Variants in PDE6C observed in about 807,000 individuals in gnomAD.
The protein encoded by PDE6C is cone cGMP-specific 3',5'-cyclic phosphodiesterase subunit alpha'.
Under a neutral mutation model 113.1 loss-of-function variants are expected in PDE6C, and 75 were observed. That is an observed-to-expected ratio of 0.66 (90% CI 0.55 to 0.80). The LOEUF (loss-of-function observed/expected upper bound fraction) is 0.80, where lower values mean the gene tolerates loss of function less well. Among genes scored for constraint, PDE6C ranks in the 30% least tolerant of loss-of-function variants. PDE6C has a pLI of 0.00. For synonymous variants in PDE6C, 375 were observed against 363.7 expected, an observed-to-expected ratio of 1.03 and a Z score of -0.35; for missense variants, 912 against 1,038.6, an observed-to-expected ratio of 0.88 and a Z score of 1.67.
At chr10:93,635,027 G>A (rs1348185770) in intron 9 of PDE6C, 120 bp downstream of exon 9, 2 of 1,009,530 alleles carry the variant, frequency 2.0e-6, no homozygotes, top group Non-Finnish European at 3.1e-6. Flanking sequence ...GTCACACATA[G>A]CTGTAACCAA....
chr10:93,622,628 G>A (rs1057464484), intron 4 of PDE6C, among the ~76,000 whole-genome samples: 1 of 136,558 alleles, frequency 7.3e-6, no homozygotes, highest in South Asian at 2.4e-4. Flanking sequence ...CCAAACTCCT[G>A]GTAGCCACAG....
At chr10:93,658,374 T>C (rs376463381) in intron 16 of PDE6C, among the ~76,000 whole-genome samples, 60 of 152,226 alleles carry the variant, frequency 3.9e-4, no homozygotes, top group Non-Finnish European at 2.8e-4. Flanking sequence ...TCCGTGTGTT[T>C]TGGGTTCCAA....
chr10:93,618,389 C>T (rs189151216), intron 1 of PDE6C, among the ~76,000 whole-genome samples: 3 of 152,092 alleles, frequency 2.0e-5, no homozygotes, highest in Admixed American at 6.6e-5. Context: ...GATTACAAAA[C>T]GAGGACACAG....
intron 9 of PDE6C, among the ~76,000 whole-genome samples, 172 bp downstream of exon 9, chr10:93,635,079 A>T (rs1335968139): frequency 6.6e-6 from 1 of 152,216 alleles, no homozygotes; most frequent in East Asian, 1.9e-4. Flanking sequence ...ACTTCTATAA[A>T]CTGCAACATT....
At position 93,640,394 on chromosome 10, in the gene PDE6C, A is replaced by G. The variant is rs899799435; in HGVS notation, c.1630-56A>G. 1.1e-4 allele frequency: 147 copies of G among 1,388,518 alleles called. No homozygotes were observed. The African/African-American group carries it at 1.7e-3, about 16-fold the overall frequency. The allele number at this position is 1,388,518 out of a possible 1,614,324, so 86.0% of individuals were successfully genotyped here. ...ATCTTTTTAGATAAGATTGCCACAGACCTTCTAACCTTTAGAATTCTATTC... is the reference window on the plus strand; with the variant it reads ...ATCTTTTTAGATAAGATTGCCACAGGCCTTCTAACCTTTAGAATTCTATTC... On this transcript the variant is annotated intron_variant, in intron 12 of 21. Transcript: ENST00000371447.
chr10:93,620,408 G>A (rs1355833208), intron 1 of PDE6C, among the ~76,000 whole-genome samples: 1 of 152,056 alleles, frequency 6.6e-6, no homozygotes, highest in Non-Finnish European at 1.5e-5. Flanking sequence ...AACCTAAATA[G>A]GCCATAGCTC....
rs12781149 is a variant in PDE6C at position 93,613,007 on chromosome 10, C to T, written c.282C>T (p.Asp94=). 147,445 of 1,614,046 alleles carry T rather than the reference C, an allele frequency of 0.091. 7,458 individuals are homozygous for T. The highest frequency in any genetic ancestry group is 0.12 in the Middle Eastern group (700 of 6,062). ...GGCTGGCCCACCTGCTCCAGGCTGA[C>T]CGCTGCAGCATGTTCCTGTGCCGGT... ...LQRLAHLLQA[D]RCSMFLCRSR... Residue 94 remains aspartate (D), a synonymous_variant, in exon 1 of 22, where the codon GAC becomes GAT. Transcript: ENST00000371447.
intron 8 of PDE6C, among the ~76,000 whole-genome samples, chr10:93,633,353 C>T (rs2058510984): frequency 6.6e-6 from 1 of 151,700 alleles, no homozygotes; most frequent in Non-Finnish European, 1.5e-5. Flanking sequence ...GTAATCCCAG[C>T]TACTCGTGAG....
chr10:93,616,328 C>G (rs543154314), intron 1 of PDE6C, among the ~76,000 whole-genome samples: 68 of 152,292 alleles, frequency 4.5e-4, no homozygotes, highest in African/African-American at 1.5e-3. Flanking sequence ...TACAGAACTA[C>G]ATACTCCCAA....
chr10:93,619,603 T>G (rs1395880718), intron 1 of PDE6C, among the ~76,000 whole-genome samples: 3 of 152,102 alleles, frequency 2.0e-5, no homozygotes, highest in African/African-American at 7.2e-5. Flanking sequence ...GTTTTTGTAT[T>G]TTAGTAGAGA....
Position 93,659,119 on chromosome 10 carries a change from G to C in PDE6C, c.2160G>C (p.Thr720=), listed in dbSNP as rs150319906. 2 of 1,610,726 alleles carry C rather than the reference G, an allele frequency of 1.2e-6. No homozygotes were observed. The highest frequency in any genetic ancestry group is 1.7e-6 in the Non-Finnish European group (2 of 1,178,898). Residue 720 remains threonine, a synonymous_variant, in exon 18 of 22, where the codon ACG becomes ACC. Transcript: ENST00000371447. ...KKEIIMAMMM[T]ACDLSAITKP... ...TCTTCCTAAGGGCAATGATGATGAC[G>C]GCATGTGACTTGTCTGCTATTACCA... is the stretch of plus-strand genomic sequence containing the variant.
chr10:93,659,614 G>C (rs1473492452), intron 18 of PDE6C, among the ~76,000 whole-genome samples: 1 of 152,182 alleles, frequency 6.6e-6, no homozygotes, highest in Non-Finnish European at 1.5e-5. Flanking sequence ...AGGCAAGAGA[G>C]AGCGTGTGCA....
At chr10:93,635,469 A>G (rs1474391608) in intron 9 of PDE6C, 28 bp from the exon 10 acceptor site, 1 of 1,600,410 alleles carries the variant, frequency 6.2e-7, no homozygotes, top group Non-Finnish European at 8.6e-7. Context: ...CACTGAAGAG[A>G]ATTAGAATCA....
chr10:93,646,096 G>A (rs1197916201), intron 15 of PDE6C, 49 bp downstream of exon 15: 1 of 1,057,356 alleles, frequency 9.5e-7, no homozygotes, highest in Non-Finnish European at 1.5e-6. Flanking sequence ...CTGGATCAAA[G>A]CACTAACCCA....
intron 11 of PDE6C, among the ~76,000 whole-genome samples, chr10:93,638,806 G>T (rs1211147231): frequency 6.6e-6 from 1 of 152,204 alleles, no homozygotes; most frequent in African/African-American, 2.4e-5. Flanking sequence ...TCCAGGGAAG[G>T]CTCAGCTGAT....
chr10:93,626,629 T>C lies in PDE6C; in HGVS notation c.940-11T>C, dbSNP rs1431422198. On this transcript the variant is annotated splice_polypyrimidine_tract_variant and intron_variant, in intron 5 of 21. Coordinates refer to ENST00000371447, the MANE Select transcript of PDE6C (RefSeq NM_006204.4). ...TAACATTATTCCCATAATATCCTCT[T>C]TCTTTCTTAGGAAGTCAACTTTTAT... 3.5e-6 allele frequency: 5 copies of C among 1,420,668 alleles called. No homozygotes were observed. The highest frequency in any genetic ancestry group is 1.4e-5 in the African/African-American group (1 of 71,174). 88.0% of individuals were successfully genotyped at this position (1,420,668 alleles called of 1,614,324 possible).
intron 11 of PDE6C, among the ~76,000 whole-genome samples, chr10:93,639,235 T>C (rs1316994480): frequency 1.3e-5 from 2 of 152,202 alleles, no homozygotes; most frequent in Non-Finnish European, 2.9e-5. Flanking sequence ...TTTCCCCACC[T>C]GTCCAAGGAC....
rs760457327 is a variant in PDE6C at position 93,655,810 on chromosome 10, T to C, written c.1986T>C (p.Ile662=). Reference sequence around the variant, plus strand: ...ATAAGCGGCAGTTTGAAACAGTTATTCATTTGTTCGAGGTCGCAATAATAG... The same window carrying C: ...ATAAGCGGCAGTTTGAAACAGTTATCCATTTGTTCGAGGTCGCAATAATAG... The part of the protein sequence containing the change: ...NLNKRQFETV[I]HLFEVAIIAT... The change falls in exon 16 of 22, where the codon ATT becomes ATC. Residue 662 remains isoleucine, a synonymous_variant. Coordinates refer to ENST00000371447, the MANE Select transcript of PDE6C (RefSeq NM_006204.4). The C allele has an allele frequency of 1.2e-5, 19 of 1,610,456 alleles. No individual in the cohort carries two copies. The highest frequency in any genetic ancestry group is 2.2e-5 in the South Asian group (2 of 91,018).
At chr10:93,660,910 T>G (rs1264727458) in intron 18 of PDE6C, among the ~76,000 whole-genome samples, 1 of 152,038 alleles carries the variant, frequency 6.6e-6, no homozygotes, top group East Asian at 1.9e-4. Context: ...TGCCAGGATG[T>G]CTCTACACAG....
Sources: gnomAD v4.1 joint callset for allele counts (sites outside exome capture counted in the v4.1 genomes callset) on GRCh38, gnomAD v4.1.1 for gene constraint, MANE v1.5 for transcripts, NCBI Gene and HGNC (gene_info 2026-07-23, HGNC 2026-07-21) for gene names.